The following ANLN variants were observed in gnomAD, a reference collection of about 807,000 sequenced individuals.
The protein encoded by ANLN is anillin.
A neutral mutation model predicts 135.1 loss-of-function variants in ANLN; 59 were observed. That is an observed-to-expected ratio of 0.44 (90% CI 0.35 to 0.54). The LOEUF is 0.54. ANLN is among the 20% of genes least tolerant of loss of function. The pLI, the probability that ANLN is intolerant of heterozygous loss-of-function variation, is 0.00. For missense variants in ANLN, 1,182 were observed against 1,340.0 expected, an observed-to-expected ratio of 0.88 and a Z score of 1.84; for synonymous variants, 406 against 456.4, an observed-to-expected ratio of 0.89 and a Z score of 1.41.
chr7:36,405,218 C>G (rs1237760940), intron 3 of ANLN, among the ~76,000 whole-genome samples: 1 of 152,150 alleles, frequency 6.6e-6, no homozygotes, highest in African/African-American at 2.4e-5. Context: ...ACAGGTTTTA[C>G]CACATATCCT....
chr7:36,444,381 T>A (rs1788907550), intron 22 of ANLN, among the ~76,000 whole-genome samples: 1 of 152,188 alleles, frequency 6.6e-6, no homozygotes, highest in Non-Finnish European at 1.5e-5. Flanking sequence ...TCCCTATGAT[T>A]TGACCACTCT....
At position 36,452,525 on chromosome 7, in the gene ANLN, A is replaced by C. The variant is rs1185879045; in HGVS notation, c.3300A>C (p.Gln1100His). 1.9e-6 allele frequency: 3 copies of C among 1,614,062 alleles called. No homozygotes were observed. In the South Asian group the frequency reaches 3.3e-5, roughly 18 times the overall value. Residue 1100 changes from glutamine (Q) to histidine (H), a missense_variant, in exon 24 of 24, where the codon CAA (glutamine) becomes CAC (histidine). By Grantham distance (24) the Gln-to-His change is conservative. Coordinates refer to ENST00000265748, the MANE Select transcript of ANLN (RefSeq NM_018685.5). ...AAGAAGAGCGGGATCTCTGGATGCA[A>C]AAACTCAATCAAGTTCTTGTTGATA... Reference protein sequence around the residue: ...DTKEERDLWMQKLNQVLVDIR... With the variant: ...DTKEERDLWMHKLNQVLVDIR...
chr7:36,423,703 T>C (rs1010316808), intron 14 of ANLN, 114 bp from the exon 15 acceptor site: 26 of 995,366 alleles, frequency 2.6e-5, no homozygotes, highest in Non-Finnish European at 3.4e-5. Context: ...ATTTTAAAAA[T>C]AAATTGTATA....
intron 1 of ANLN, among the ~76,000 whole-genome samples, chr7:36,393,127 G>T (rs1308870243): frequency 6.6e-6 from 1 of 151,672 alleles, no homozygotes; most frequent in Non-Finnish European, 1.5e-5. Flanking sequence ...AGGTTCAAGT[G>T]ATTCACCTGC....
In ANLN at chr7:36,422,647, CT is replaced by C; in HGVS notation, c.2318del (p.Leu773Ter). ...GTTTTACATAGCTGGGAAGAGAACA[CT>C]TTTGATTGATGAATTGAATAAATTG... is the stretch of plus-strand genomic sequence containing the variant. ...LLLIATGKRT[L>X]LIDELNKLKN... On this transcript the variant is annotated frameshift_variant, in exon 14 of 24. Transcript: ENST00000265748. LOFTEE classifies it high-confidence loss of function. 1 of 1,606,140 alleles carries C rather than the reference CT, an allele frequency of 6.2e-7. No individual in the cohort carries two copies. Among genetic ancestry groups the C allele is most frequent in the Non-Finnish European group, 8.5e-7 (1 of 1,177,774 alleles).
chr7:36,412,327 ATTTTT>A (rs1554343030), intron 7 of ANLN, among the ~76,000 whole-genome samples: 3 of 94,818 alleles, frequency 3.2e-5, no homozygotes, highest in African/African-American at 7.7e-5. Context: ...ATATATATAT[ATTTTT>A]TTTTTTTTTT....
At chr7:36,399,776 T>G (rs555656923) in intron 3 of ANLN, among the ~76,000 whole-genome samples, 286 of 152,312 alleles carry the variant, frequency 1.9e-3, no homozygotes, top group South Asian at 3.5e-3. Flanking sequence ...TATGCAATGC[T>G]GTTCAGTAGG....
chr7:36,447,811 T>C (rs1789077034), intron 22 of ANLN, among the ~76,000 whole-genome samples: 1 of 152,110 alleles, frequency 6.6e-6, no homozygotes, highest in Non-Finnish European at 1.5e-5. Flanking sequence ...AACTTACGAA[T>C]AGTTTGTTTC....
At chr7:36,408,001 G>T (rs1296044722) in intron 5 of ANLN, 45 bp downstream of exon 5, 11 of 1,406,730 alleles carry the variant, frequency 7.8e-6, no homozygotes, top group East Asian at 2.4e-5. Context: ...TTATATTCAG[G>T]ATATCTATTC....
At chr7:36,405,410 T>C (rs1017993713) in intron 3 of ANLN, among the ~76,000 whole-genome samples, 2 of 152,190 alleles carry the variant, frequency 1.3e-5, no homozygotes, top group African/African-American at 4.8e-5. Flanking sequence ...TCGAGCAAGA[T>C]CCCTGAGAAG....
At chr7:36,425,780 T>A in intron 18 of ANLN, 40 bp downstream of exon 18, 2 of 1,581,810 alleles carry the variant, frequency 1.3e-6, no homozygotes, top group Non-Finnish European at 1.7e-6. Context: ...CCTTGAGAAA[T>A]CTTCATCTTA....
chr7:36,444,109 G>A (rs927987661), intron 22 of ANLN, among the ~76,000 whole-genome samples: 1 of 152,190 alleles, frequency 6.6e-6, no homozygotes, highest in Non-Finnish European at 1.5e-5. Context: ...GGCCAACATG[G>A]CGAAATCCTG....
intron 21 of ANLN, among the ~76,000 whole-genome samples, chr7:36,442,033 G>GT (rs1788795209): frequency 6.6e-6 from 1 of 152,150 alleles, no homozygotes; most frequent in Non-Finnish European, 1.5e-5. Context: ...ATCTAGCTTG[G>GT]TAACATTTGC....
chr7:36,431,558 T>C (rs1788310627), intron 20 of ANLN, among the ~76,000 whole-genome samples: 1 of 75,056 alleles, frequency 1.3e-5, no homozygotes, highest in African/African-American at 4.1e-5. Flanking sequence ...TATATGTGTG[T>C]GTTTGTGTGT....
Position 36,415,719 on chromosome 7 carries a change from T to G in ANLN, c.1396-39T>G. On this transcript the variant is annotated intron_variant, in intron 7 of 23. Transcript: ENST00000265748. Reference sequence around the variant, plus strand: ...AACATAGAAAGATAAAATATATAGTTTTGAGAAATAAAATTTACTTTTCAT... The same window carrying G: ...AACATAGAAAGATAAAATATATAGTGTTGAGAAATAAAATTTACTTTTCAT... 3.2e-6 allele frequency: 5 copies of G among 1,542,762 alleles called. No homozygotes were observed. The South Asian group carries it at 5.1e-5, about 16-fold the overall frequency.
chr7:36,399,138 G>A lies in ANLN; in HGVS notation c.232G>A (p.Glu78Lys). The A allele has an allele frequency of 6.2e-7, 1 of 1,614,098 alleles. No individual in the cohort carries two copies. The highest frequency in any genetic ancestry group is 2.2e-5 in the East Asian group (1 of 44,878). The change falls in exon 3 of 24, where the codon GAA (glutamate) becomes AAA (lysine). Residue 78 changes from glutamate (E) to lysine (K), a missense_variant. Glu to Lys is a moderately conservative substitution (Grantham distance 56). Coordinates refer to ENST00000265748, the MANE Select transcript of ANLN (RefSeq NM_018685.5). ...KKRCSDNTEVEVSNLENKQPV... is the reference protein window; with the variant it reads ...KKRCSDNTEVKVSNLENKQPV... The stretch of plus-strand genomic sequence containing the variant: ...ACGCTGTTCTGACAACACTGAAGTA[G>A]AAGTTTCTAACTTGGAAAATAAACA...
In ANLN at chr7:36,422,783, T is replaced by C. The variant is rs1314071720; in HGVS notation, c.2450T>C (p.Phe817Ser). The stretch of plus-strand genomic sequence containing the variant: ...ATCCGCTTGCCTCTAAAAGCAGATT[T>C]TGTCTGCAGTACGGTTCAGAAACCA... ...SEIRLPLKADFVCSTVQKPDA... is the reference protein window; with the variant it reads ...SEIRLPLKADSVCSTVQKPDA... Residue 817 changes from phenylalanine (F) to serine (S), a missense_variant, in exon 14 of 24, where the codon TTT becomes TCT. Physicochemically the swap from Phe to Ser is radical, Grantham distance 155 (BLOSUM62 -2). Transcript: ENST00000265748. 1.2e-6 allele frequency: 2 copies of C among 1,612,140 alleles called. No homozygotes were observed. The highest frequency in any genetic ancestry group is 2.2e-5 in the South Asian group (2 of 90,694).
At chr7:36,390,202 G>A (rs1786375318) in intron 1 of ANLN, 158 bp downstream of exon 1, 3 of 1,231,124 alleles carry the variant, frequency 2.4e-6, no homozygotes, top group Admixed American at 2.3e-5. Context: ...GCTGCGGCCT[G>A]CTGTGGTTGG....
chr7:36,400,858 T>A (rs1786916171), intron 3 of ANLN, among the ~76,000 whole-genome samples: 1 of 152,144 alleles, frequency 6.6e-6, no homozygotes, highest in South Asian at 2.1e-4. Context: ...TGCTTTTGTC[T>A]TATTTTTTTT....
Sources: allele counts gnomAD v4.1 joint callset (sites outside exome capture counted in the v4.1 genomes callset), GRCh38; gene constraint gnomAD v4.1.1; transcripts MANE v1.5; gene names NCBI Gene and HGNC (gene_info 2026-07-23, HGNC 2026-07-21).